Variants in TSPAN5 observed in about 807,000 individuals in gnomAD.
TSPAN5 encodes tetraspanin 5, also known as tetraspanin-5.
In TSPAN5, 10 loss-of-function variants were observed where a neutral mutation model predicts 37.1. The ratio of observed to expected loss-of-function variants is 0.27; its 90% confidence interval spans 0.17 to 0.46. The LOEUF (loss-of-function observed/expected upper bound fraction) is 0.46, where lower values mean the gene tolerates loss of function less well. Among genes scored for constraint, TSPAN5 ranks in the 20% least tolerant of loss-of-function variants. The pLI is 1.00. For missense variants in TSPAN5, 195 were observed against 326.6 expected (o/e 0.60, Z 3.11); for synonymous variants, 110 against 118.9 (o/e 0.93, Z 0.48).
At chr4:98,552,783 A>C (rs1315721675) in intron 1 of TSPAN5, among the ~76,000 whole-genome samples, 1 of 152,252 alleles carries the variant, frequency 6.6e-6, no homozygotes, top group East Asian at 1.9e-4. Flanking sequence ...GAATGAAGCC[A>C]GTCCAAGAGA....
intron 2 of TSPAN5, among the ~76,000 whole-genome samples, chr4:98,493,984 G>A (rs902020240): frequency 9.2e-5 from 14 of 152,174 alleles, no homozygotes; most frequent in African/African-American, 3.4e-4. Flanking sequence ...TGCAATAGGA[G>A]ATTTCCATTA....
intron 1 of TSPAN5, among the ~76,000 whole-genome samples, chr4:98,550,834 T>C (rs993600341): frequency 2.6e-5 from 4 of 152,196 alleles, no homozygotes; most frequent in African/African-American, 9.6e-5. Context: ...CAGGGATAAT[T>C]TGACTTCCTC....
intron 1 of TSPAN5, among the ~76,000 whole-genome samples, chr4:98,562,211 C>T (rs1578994199): frequency 6.6e-6 from 1 of 152,096 alleles, no homozygotes; most frequent in South Asian, 2.1e-4. Context: ...ACAGTAAGGC[C>T]AGATTTGTGT....
chr4:98,551,072 A>G lies in TSPAN5; in HGVS notation c.82-43344T>C, dbSNP rs368808519. On this transcript the variant is annotated intron_variant, in intron 1 of 7. Transcript: ENST00000305798. ...ATTCCTTCTGTGTCTCGTATGTTGA[A>G]GACTTTTATCATGAAGAGATGCTGA... is the stretch of plus-strand genomic sequence containing the variant. 4.4e-4 allele frequency among the ~76,000 whole-genome samples: 67 copies of G among 152,230 alleles called. 1 individual carries two copies. The South Asian group carries it at 0.013, about 30-fold the overall frequency.
chr4:98,521,687 G>A (rs1753859727), intron 1 of TSPAN5, among the ~76,000 whole-genome samples: 1 of 152,226 alleles, frequency 6.6e-6, no homozygotes, highest in Non-Finnish European at 1.5e-5. Context: ...CCAGCCCCCT[G>A]GCTTGCTTCA....
chr4:98,637,952 G>T (rs1382351757), intron 1 of TSPAN5, among the ~76,000 whole-genome samples: 1 of 152,172 alleles, frequency 6.6e-6, no homozygotes, highest in Non-Finnish European at 1.5e-5. Flanking sequence ...GAAATTATCT[G>T]CCTCAGTCCA....
chr4:98,584,441 T>C (rs1398113846), intron 1 of TSPAN5, among the ~76,000 whole-genome samples: 2 of 152,244 alleles, frequency 1.3e-5, no homozygotes, highest in East Asian at 1.9e-4. Flanking sequence ...TTCCCAAGCA[T>C]GTTCACAGTC....
intron 1 of TSPAN5, among the ~76,000 whole-genome samples, chr4:98,646,183 A>T (rs760936220): frequency 2.6e-5 from 4 of 152,128 alleles, no homozygotes; most frequent in African/African-American, 4.8e-5. Flanking sequence ...ATTCACCAAG[A>T]TGATTAGTCA....
intron 1 of TSPAN5, among the ~76,000 whole-genome samples, chr4:98,631,497 A>T (rs116167932): frequency 0.013 from 1,907 of 151,892 alleles, 43 homozygotes; most frequent in African/African-American, 0.044. Flanking sequence ...GGCATTTGCT[A>T]TGTCATCTGG....
chr4:98,539,982 G>A (rs1455958750), intron 1 of TSPAN5, among the ~76,000 whole-genome samples: 2 of 152,098 alleles, frequency 1.3e-5, no homozygotes, highest in Non-Finnish European at 2.9e-5. Context: ...CAACACTCAC[G>A]TGAGTTTGAA....
chr4:98,587,671 C>T (rs377409184), intron 1 of TSPAN5, among the ~76,000 whole-genome samples: 7 of 152,044 alleles, frequency 4.6e-5, no homozygotes, highest in African/African-American at 1.7e-4. Flanking sequence ...GGGCAGATCA[C>T]GAGGTCAGGA....
intron 1 of TSPAN5, among the ~76,000 whole-genome samples, chr4:98,636,643 A>C (rs947481185): frequency 6.6e-6 from 1 of 152,320 alleles, no homozygotes; most frequent in East Asian, 1.9e-4. Flanking sequence ...GTGCACTTAA[A>C]TAACACCTTG....
At chr4:98,488,484 A>AATG (rs1753020957) in intron 2 of TSPAN5, among the ~76,000 whole-genome samples, 1 of 152,230 alleles carries the variant, frequency 6.6e-6, no homozygotes, top group African/African-American at 2.4e-5. Context: ...TCTAAGGTTT[A>AATG]ATGTCACAGA....
intron 1 of TSPAN5, among the ~76,000 whole-genome samples, chr4:98,541,907 T>C (rs1754368343): frequency 6.6e-6 from 1 of 152,134 alleles, no homozygotes; most frequent in South Asian, 2.1e-4. Context: ...CAGAAGTCTT[T>C]ATGTGTTATG....
chr4:98,514,273 A>G (rs567417265), intron 1 of TSPAN5, among the ~76,000 whole-genome samples: 1 of 152,236 alleles, frequency 6.6e-6, no homozygotes, highest in Admixed American at 6.5e-5. Flanking sequence ...AAGCTGCAGC[A>G]CCTGTACTCT....
At chr4:98,574,836 CCTGGTGAAGT>C (rs1755199104) in intron 1 of TSPAN5, 1 of 152,268 alleles carries the variant, frequency 6.6e-6, no homozygotes, top group Non-Finnish European at 1.5e-5. Context: ...GGCCGCTCTG[CCTGGTGAAGT>C]CTGCTTTTTG....
chr4:98,528,349 A>T (rs568226319), intron 1 of TSPAN5, among the ~76,000 whole-genome samples: 11 of 152,326 alleles, frequency 7.2e-5, no homozygotes, highest in African/African-American at 2.4e-4. Context: ...TTATATATCA[A>T]CTAAAAAGAA....
At chr4:98,636,121 T>C (rs1046646208) in intron 1 of TSPAN5, among the ~76,000 whole-genome samples, 5 of 152,094 alleles carry the variant, frequency 3.3e-5, no homozygotes, top group African/African-American at 4.8e-5. Flanking sequence ...ATGGCAGAAA[T>C]ATCATTTAAA....
intron 7 of TSPAN5, among the ~76,000 whole-genome samples, chr4:98,473,749 G>A (rs1752637330): frequency 6.6e-6 from 1 of 152,154 alleles, no homozygotes; most frequent in Non-Finnish European, 1.5e-5. Flanking sequence ...AGAAATGTCT[G>A]TTCAGATCCT....
Sources: allele counts gnomAD v4.1 joint callset (sites outside exome capture counted in the v4.1 genomes callset), GRCh38; gene constraint gnomAD v4.1.1; transcripts MANE v1.5; gene names NCBI Gene and HGNC (gene_info 2026-07-23, HGNC 2026-07-21).